The following RBM27 variants were observed in gnomAD, a reference collection of about 807,000 sequenced individuals.
RBM27 encodes RNA binding motif protein 27.
In RBM27, 22 loss-of-function variants were observed where a neutral mutation model predicts 135.3. The ratio of observed to expected loss-of-function variants is 0.16; its 90% CI spans 0.12 to 0.23. The LOEUF (loss-of-function observed/expected upper bound fraction) is 0.23, where lower values mean the gene tolerates loss of function less well. RBM27 is among the 10% of genes least tolerant of loss of function. The pLI is 1.00. For synonymous variants in RBM27, 481 were observed against 442.4 expected, an observed-to-expected ratio of 1.09 and a Z score of -1.10; for missense variants, 1,009 against 1,281.0, an observed-to-expected ratio of 0.79 and a Z score of 3.24.
Position 146,204,704 on chromosome 5 carries a change from G to A in RBM27, c.59+880G>A, listed in dbSNP as rs998077045. ...GGTAGAAAGAATAAGAGATTTGTAAGTATTCTTGTGCCATTGAGAGGACAG... is the reference window on the plus strand; with the variant it reads ...GGTAGAAAGAATAAGAGATTTGTAAATATTCTTGTGCCATTGAGAGGACAG... On this transcript the variant is annotated intron_variant, in intron 1 of 20. Transcript: ENST00000265271. Among the ~76,000 whole-genome samples the A allele has an allele frequency of 2.6e-5, 4 of 152,162 alleles. No homozygotes were observed. In the South Asian group the frequency reaches 8.3e-4, roughly 32 times the overall value.
intron 1 of RBM27, among the ~76,000 whole-genome samples, chr5:146,213,311 A>G (rs1220754864): frequency 6.6e-6 from 1 of 152,168 alleles, no homozygotes; most frequent in Non-Finnish European, 1.5e-5. Context: ...CATGTTGGTC[A>G]GGCTGGTCTC....
chr5:146,230,176 A>G (rs1395608762), intron 5 of RBM27, among the ~76,000 whole-genome samples: 2 of 152,234 alleles, frequency 1.3e-5, no homozygotes, highest in Admixed American at 6.5e-5. Flanking sequence ...ATGGATACAA[A>G]TATCCTTTAA....
rs76944451 is a variant in RBM27, at chr5:146,246,749, G to T, written c.1280-4962G>T. 5.9e-5 allele frequency among the ~76,000 whole-genome samples: 9 copies of T among 152,136 alleles called. No individual in the cohort carries two copies. In the East Asian group the frequency reaches 1.7e-3, roughly 29 times the overall value. ...TTCAAATACAACATACATAAAAGTAGACTGTGTAATGTAGTGAATCTTCAT... is the reference window on the plus strand; with the variant it reads ...TTCAAATACAACATACATAAAAGTATACTGTGTAATGTAGTGAATCTTCAT... On this transcript the variant is annotated intron_variant, in intron 8 of 20. Transcript: ENST00000265271.
At chr5:146,208,190 C>T (rs1204838351) in intron 1 of RBM27, among the ~76,000 whole-genome samples, 2 of 151,690 alleles carry the variant, frequency 1.3e-5, no homozygotes, top group East Asian at 1.9e-4. Flanking sequence ...CCCCTGACCT[C>T]GTGATCCACC....
intron 14 of RBM27, among the ~76,000 whole-genome samples, chr5:146,265,980 T>G (rs575851791): frequency 6.6e-6 from 1 of 152,284 alleles, no homozygotes; most frequent in African/African-American, 2.4e-5. Context: ...CCAATTCTAT[T>G]CACTGAAAAG....
intron 1 of RBM27, among the ~76,000 whole-genome samples, chr5:146,218,653 A>G (rs1756316083): frequency 1.3e-5 from 2 of 152,194 alleles, no homozygotes. Flanking sequence ...CAGTGCTTCT[A>G]TAGCTGGGAG....
chr5:146,203,956 T>C, intron 1 of RBM27, 132 bp downstream of exon 1: 1 of 886,592 alleles, frequency 1.1e-6, no homozygotes, highest in Non-Finnish European at 1.6e-6. Flanking sequence ...ACGCCTTCCC[T>C]GTAGTACTAT....
intron 9 of RBM27, among the ~76,000 whole-genome samples, chr5:146,253,615 A>G (rs1287398210): frequency 6.6e-6 from 1 of 152,126 alleles, no homozygotes; most frequent in Non-Finnish European, 1.5e-5. Flanking sequence ...CAGCAGTTCT[A>G]GTTCTTATAT....
chr5:146,265,044 T>C lies in RBM27; in HGVS notation c.2331+1413T>C, dbSNP rs150817099. ...TGAAAGGAAATTTGGCAGTACAGTATCTGCAAAAATTATGCATATGCATTA... is the reference window on the plus strand; with the variant it reads ...TGAAAGGAAATTTGGCAGTACAGTACCTGCAAAAATTATGCATATGCATTA... On this transcript the variant is annotated intron_variant, in intron 14 of 20. Coordinates refer to ENST00000265271, the MANE Select transcript of RBM27 (RefSeq NM_018989.2). Among the ~76,000 whole-genome samples, 536 of 152,312 alleles carry C rather than the reference T, an allele frequency of 3.5e-3. 2 individuals carry two copies. The highest frequency in any genetic ancestry group is 0.013 in the African/African-American group (521 of 41,578).
In RBM27 at chr5:146,229,726, G is replaced by T; in HGVS notation, c.405G>T (p.Glu135Asp). ...TATCTGTATATTATAGGACACGTGA[G>T]AAAAAAAGAGAAGACGGGAAATGGA... Reference protein sequence around the residue: ...RSESSERRTREKKREDGKWRD... With the variant: ...RSESSERRTRDKKREDGKWRD... Residue 135 changes from glutamate (E) to aspartate (D), a missense_variant, in exon 5 of 21, where the codon GAG becomes GAT. Physicochemically the swap from Glu to Asp is conservative, Grantham distance 45. This residue lies in a region of RBM27 where 268 missense variants were observed against 326.6 expected (regional missense o/e 0.82). Transcript: ENST00000265271. 1 of 1,606,302 alleles carries T rather than the reference G, an allele frequency of 6.2e-7. No individual in the cohort carries two copies. The highest frequency in any genetic ancestry group is 8.5e-7 in the Non-Finnish European group (1 of 1,174,288).
Position 146,250,431 on chromosome 5 carries a change from C to CAAAA in RBM27, c.1280-1265_1280-1262dup, listed in dbSNP as rs775574346. Among the ~76,000 whole-genome samples the CAAAA allele has an allele frequency of 1.9e-3, 173 of 91,934 alleles. 1 individual carries two copies. Among genetic ancestry groups the CAAAA allele is most frequent in the African/African-American group, 6.7e-3 (169 of 25,290 alleles). 60.3% of individuals were successfully genotyped at this position (91,934 alleles called of 152,430 possible). On this transcript the variant is annotated intron_variant, in intron 8 of 20. Coordinates refer to ENST00000265271, the MANE Select transcript of RBM27 (RefSeq NM_018989.2). ...TGGGTGACAGAGCAAGACTCCGTCTCAAAAAAAAAAAAAAAAAATCCACTT... is the reference window on the plus strand; with the variant it reads ...TGGGTGACAGAGCAAGACTCCGTCTCAAAAAAAAAAAAAAAAAAAAAATCCACTT...
chr5:146,225,567 G>GA (rs1160032871), intron 3 of RBM27, among the ~76,000 whole-genome samples: 1 of 133,586 alleles, frequency 7.5e-6, no homozygotes. Context: ...TTACCTTTCT[G>GA]TTTTTTTTTT....
intron 8 of RBM27, among the ~76,000 whole-genome samples, chr5:146,247,200 C>T (rs928185589): frequency 6.6e-6 from 1 of 152,016 alleles, no homozygotes; most frequent in Non-Finnish European, 1.5e-5. Context: ...TATTGCTCCT[C>T]AAAATTCAGC....
chr5:146,275,988 G>A (rs1759076673), intron 19 of RBM27, among the ~76,000 whole-genome samples: 1 of 151,956 alleles, frequency 6.6e-6, no homozygotes, highest in African/African-American at 2.4e-5. Context: ...CTACCATGTT[G>A]CCTTTTATTA....
In RBM27 at chr5:146,244,640, G is replaced by T. The variant is rs141450068; in HGVS notation, c.1280-7071G>T. On this transcript the variant is annotated intron_variant, in intron 8 of 20. Transcript: ENST00000265271. Reference sequence around the variant, plus strand: ...TGCAGCCTCAACCTTTCAGGCTCTGGAAATCCTCCTACCTCAGCCTCCTGA... The same window carrying T: ...TGCAGCCTCAACCTTTCAGGCTCTGTAAATCCTCCTACCTCAGCCTCCTGA... Among the ~76,000 whole-genome samples the T allele has an allele frequency of 9.9e-3, 1,509 of 152,048 alleles. 22 individuals are homozygous for T. Among genetic ancestry groups the T allele is most frequent in the African/African-American group, 0.035 (1,438 of 41,486 alleles).
At position 146,285,141 on chromosome 5, in the gene RBM27, A is replaced by G. The variant is rs1032925655; in HGVS notation, c.3099+409A>G. 1.3e-4 allele frequency among the ~76,000 whole-genome samples: 20 copies of G among 152,264 alleles called. No homozygotes were observed. In the Middle Eastern group the frequency reaches 0.01, roughly 78 times the overall value. Reference sequence around the variant, plus strand: ...ACAATTGGTTAAAATCAGAGTGTGCAGAAGTTGAACATAGAGGAGAGAATT... The same window carrying G: ...ACAATTGGTTAAAATCAGAGTGTGCGGAAGTTGAACATAGAGGAGAGAATT... On this transcript the variant is annotated intron_variant, in intron 20 of 20. Coordinates refer to ENST00000265271, the MANE Select transcript of RBM27 (RefSeq NM_018989.2).
chr5:146,223,032 A>G (rs1756523317), intron 2 of RBM27, among the ~76,000 whole-genome samples: 1 of 152,174 alleles, frequency 6.6e-6, no homozygotes, highest in Admixed American at 6.5e-5. Context: ...AGAAACACAT[A>G]TAAATACATA....
intron 19 of RBM27, among the ~76,000 whole-genome samples, chr5:146,274,159 A>G (rs1358777117): frequency 5.0e-5 from 7 of 139,808 alleles, no homozygotes; most frequent in Non-Finnish European, 1.6e-5. Flanking sequence ...TAATTTTTGT[A>G]TTTTTAGTGT....
intron 8 of RBM27, among the ~76,000 whole-genome samples, chr5:146,240,187 T>C (rs1757342892): frequency 6.6e-6 from 1 of 151,844 alleles, no homozygotes. Context: ...GCCCCCGTCA[T>C]GGCTCAACTT....
Sources: allele counts gnomAD v4.1 joint callset (sites outside exome capture counted in the v4.1 genomes callset), GRCh38; gene constraint gnomAD v4.1.1; regional missense constraint gnomAD v4.1.1; transcripts MANE v1.5; gene names NCBI Gene and HGNC (gene_info 2026-07-23, HGNC 2026-07-21).